Variants in RALGAPA1 observed in about 807,000 individuals in gnomAD.
RALGAPA1 encodes the protein Ral GTPase activating protein catalytic subunit alpha 1, also known as ral GTPase-activating protein subunit alpha-1.
In RALGAPA1, 52 loss-of-function variants were observed where a neutral mutation model predicts 269.6. That is an observed-to-expected ratio of 0.19 (90% CI 0.15 to 0.24). The LOEUF (loss-of-function observed/expected upper bound fraction) is 0.24, where lower values mean the gene tolerates loss of function less well. Among genes scored for constraint, RALGAPA1 ranks in the 10% least tolerant of loss-of-function variants. The pLI is 1.00. For missense variants in RALGAPA1, 1,917 were observed against 3,013.9 expected (o/e 0.64, Z 8.52); for synonymous variants, 817 against 1,008.3 (o/e 0.81, Z 3.60).
chr14:35,693,151 T>C (rs978504758), intron 17 of RALGAPA1, among the ~76,000 whole-genome samples: 41 of 151,988 alleles, frequency 2.7e-4, no homozygotes, highest in Admixed American at 2.7e-3. Flanking sequence ...TATTAATTTT[T>C]AAATAAAACT....
intron 39 of RALGAPA1, among the ~76,000 whole-genome samples, chr14:35,568,130 A>G (rs1191630595): frequency 1.3e-5 from 2 of 152,168 alleles, no homozygotes; most frequent in Admixed American, 6.5e-5. Flanking sequence ...ATATGCCAAT[A>G]AACAGATTAA....
At chr14:35,750,793 TG>T in intron 8 of RALGAPA1, 103 bp from the exon 9 acceptor site, 1 of 1,001,890 alleles carries the variant, frequency 1.0e-6, no homozygotes, top group Non-Finnish European at 1.4e-6. Flanking sequence ...TATGCTACTC[TG>T]GTTTCAGAAG....
At chr14:35,567,495 T>C (rs904287089) in intron 39 of RALGAPA1, among the ~76,000 whole-genome samples, 1 of 152,142 alleles carries the variant, frequency 6.6e-6, no homozygotes, top group African/African-American at 2.4e-5. Context: ...TCTTTTTTAC[T>C]GCTGAAGAAA....
intron 10 of RALGAPA1, among the ~76,000 whole-genome samples, chr14:35,745,873 C>T (rs2072043747): frequency 6.6e-6 from 1 of 151,374 alleles, no homozygotes; most frequent in African/African-American, 2.4e-5. Context: ...TGGCTTTAGG[C>T]AAGGACTTAG....
intron 39 of RALGAPA1, among the ~76,000 whole-genome samples, chr14:35,560,591 CTTAAGT>C (rs1046432426): frequency 1.3e-5 from 2 of 152,056 alleles, no homozygotes; most frequent in African/African-American, 2.4e-5. Flanking sequence ...CCCCAAATTG[CTTAAGT>C]TTATCATTAG....
rs78611269 is a variant in RALGAPA1, at chr14:35,765,055, G to C, written c.326-2302C>G. The stretch of plus-strand genomic sequence containing the variant: ...AACAGAATTTGTTTTTTCACAAATG[G>C]AAAACCAAGTGTAGTACTATTTCGG... On this transcript the variant is annotated intron_variant, in intron 4 of 41. Transcript: ENST00000680220. Among the ~76,000 whole-genome samples the C allele has an allele frequency of 1.2e-4, 18 of 152,222 alleles. No homozygotes were observed. In the East Asian group the frequency reaches 3.5e-3, roughly 29 times the overall value.
chr14:35,697,106 C>G (rs1477733845), intron 17 of RALGAPA1, among the ~76,000 whole-genome samples: 5 of 152,168 alleles, frequency 3.3e-5, no homozygotes, highest in African/African-American at 4.8e-5. Flanking sequence ...CACCTAACAC[C>G]TGAGGAATCA....
chr14:35,768,430 C>T (rs567387115), intron 4 of RALGAPA1, among the ~76,000 whole-genome samples: 44 of 152,256 alleles, frequency 2.9e-4, no homozygotes, highest in African/African-American at 8.9e-4. Flanking sequence ...TGGCTCACAC[C>T]TGTAATCCCA....
At chr14:35,784,730 CTG>C (rs1260998655) in intron 1 of RALGAPA1, among the ~76,000 whole-genome samples, 1 of 152,146 alleles carries the variant, frequency 6.6e-6, no homozygotes, top group African/African-American at 2.4e-5. Context: ...ATATTACAAA[CTG>C]TTATATCATC....
chr14:35,679,951 G>A (rs1458492971), intron 21 of RALGAPA1, among the ~76,000 whole-genome samples: 1 of 152,008 alleles, frequency 6.6e-6, no homozygotes, highest in Admixed American at 6.5e-5. Flanking sequence ...TTGAGATTTG[G>A]AGTAAATTCA....
chr14:35,804,078 C>T (rs564174726), intron 1 of RALGAPA1, among the ~76,000 whole-genome samples: 57 of 152,190 alleles, frequency 3.7e-4, no homozygotes, highest in African/African-American at 1.2e-3. Context: ...GCCTGGCCAA[C>T]ATGGCGAAAC....
chr14:35,722,541 G>A (rs2069516211), intron 15 of RALGAPA1, among the ~76,000 whole-genome samples: 1 of 151,960 alleles, frequency 6.6e-6, no homozygotes, highest in Non-Finnish European at 1.5e-5. Flanking sequence ...GAGCCTGGGA[G>A]GTCGAGGCTG....
intron 1 of RALGAPA1, among the ~76,000 whole-genome samples, chr14:35,802,445 A>G (rs2141936502): frequency 6.6e-6 from 1 of 152,338 alleles, no homozygotes; most frequent in African/African-American, 2.4e-5. Flanking sequence ...ACAAAAGATC[A>G]AAGTAGAAAG....
chr14:35,589,757 G>GT (rs1198031471), intron 37 of RALGAPA1, among the ~76,000 whole-genome samples: 1 of 152,074 alleles, frequency 6.6e-6, no homozygotes, highest in East Asian at 1.9e-4. Flanking sequence ...CTGTAGTGCA[G>GT]TGGTGCAATC....
In RALGAPA1 at chr14:35,688,562, C is replaced by T. The variant is rs1372653040; in HGVS notation, c.3849G>A (p.Pro1283=). 1.2e-5 allele frequency: 19 copies of T among 1,535,976 alleles called. No individual in the cohort carries two copies. Among genetic ancestry groups the T allele is most frequent in the East Asian group, 9.8e-5 (4 of 40,936 alleles). ...YKTVVHALSK[P]KANVSPQRQN... ...GCCTCTGTGGGGAAACATTTGCCTT[C>T]GGCTTCGAAAGAGCATGTACAACAG... The change falls in exon 18 of 42, where the codon CCG becomes CCA. Residue 1283 remains proline, a synonymous_variant. Transcript: ENST00000680220.
chr14:35,801,256 C>G (rs2076955908), intron 1 of RALGAPA1, among the ~76,000 whole-genome samples: 3 of 131,010 alleles, frequency 2.3e-5, no homozygotes, highest in East Asian at 7.0e-4. Context: ...CACACACACA[C>G]ACACACACAC....
intron 4 of RALGAPA1, among the ~76,000 whole-genome samples, chr14:35,767,931 C>G (rs1214644947): frequency 6.6e-6 from 1 of 152,032 alleles, no homozygotes; most frequent in African/African-American, 2.4e-5. Flanking sequence ...GGAGTCATCA[C>G]GTCTGGATAA....
In RALGAPA1 at chr14:35,742,626, G is replaced by A. The variant is rs960648823; in HGVS notation, c.1252-61C>T. ...TTTTCCTTTGCCACAAACCACTAAC[G>A]CAGTAATGTTTTTCACATCACATCA... is the stretch of plus-strand genomic sequence containing the variant. On this transcript the variant is annotated intron_variant, in intron 10 of 41. Coordinates refer to ENST00000680220, the MANE Select transcript of RALGAPA1 (RefSeq NM_001346249.2). The A allele has an allele frequency of 4.3e-6, 5 of 1,172,096 alleles. No homozygotes were observed. The African/African-American group carries it at 4.6e-5, about 11-fold the overall frequency. The allele number at this position is 1,172,096 out of a possible 1,614,324, so 72.6% of individuals were successfully genotyped here.
chr14:35,572,123 T>C (rs2057251520), intron 38 of RALGAPA1, among the ~76,000 whole-genome samples: 2 of 152,226 alleles, frequency 1.3e-5, no homozygotes, highest in Non-Finnish European at 2.9e-5. Flanking sequence ...CTTATTTTTT[T>C]TCAATTTGTA....
Sources: gnomAD v4.1 joint callset for allele counts (sites outside exome capture counted in the v4.1 genomes callset) on GRCh38, gnomAD v4.1.1 for gene constraint, MANE v1.5 for transcripts, NCBI Gene and HGNC (gene_info 2026-07-23, HGNC 2026-07-21) for gene names.